The following POC1B variants were observed in gnomAD, a reference collection of about 807,000 sequenced individuals.
The protein encoded by POC1B is POC1 centriolar protein B.
Under a neutral mutation model 60.6 loss-of-function variants are expected in POC1B, and 44 were observed. The observed-to-expected ratio is 0.73, with a 90% confidence interval of 0.57 to 0.93. The LOEUF (loss-of-function observed/expected upper bound fraction) is 0.93, where lower values mean the gene tolerates loss of function less well. Ranked by LOEUF, POC1B falls within the 40% of genes least tolerant of loss-of-function variation. POC1B has a pLI of 0.00. For missense variants in POC1B, 555 were observed against 572.3 expected, an observed-to-expected ratio of 0.97 and a Z score of 0.31; for synonymous variants, 180 against 198.9, an observed-to-expected ratio of 0.90 and a Z score of 0.80.
intron 4 of POC1B, among the ~76,000 whole-genome samples, chr12:89,481,665 A>G (rs1868368391): frequency 6.6e-6 from 1 of 152,210 alleles, no homozygotes; most frequent in Admixed American, 6.5e-5. Flanking sequence ...CCCCTTGTAT[A>G]TAATACAATT....
At chr12:89,409,988 C>A in the POC1B span, among the ~76,000 whole-genome samples, 62 of 152,112 alleles carry the variant, frequency 4.1e-4, 1 homozygote, top group African/African-American at 1.5e-3. Flanking sequence ...CAAAACCTGG[C>A]AGAGACACAA....
At chr12:89,470,944 G>A (rs1248567256) in intron 6 of POC1B, among the ~76,000 whole-genome samples, 1 of 152,178 alleles carries the variant, frequency 6.6e-6, no homozygotes, top group Non-Finnish European at 1.5e-5. Context: ...CCAACAGGAG[G>A]CAGTATAACA....
chr12:89,482,441 A>T (rs569529989), intron 4 of POC1B, among the ~76,000 whole-genome samples: 1 of 152,344 alleles, frequency 6.6e-6, no homozygotes, highest in Admixed American at 6.5e-5. Context: ...AACAATTTTT[A>T]CAAATATGAT....
chr12:89,500,103 C>T (rs990350643), intron 2 of POC1B: 7 of 1,441,214 alleles, frequency 4.9e-6, no homozygotes, highest in East Asian at 4.7e-5. Context: ...ATGGCTGTGT[C>T]GGGTCTGGAT....
the POC1B span, among the ~76,000 whole-genome samples, chr12:89,404,685 T>A: frequency 6.6e-6 from 1 of 152,196 alleles, no homozygotes; most frequent in Non-Finnish European, 1.5e-5. Flanking sequence ...CTAACTTGAC[T>A]GTCAGCTCTT....
chr12:89,513,250 GAAAAAA>G (rs58165369), intron 2 of POC1B, among the ~76,000 whole-genome samples: 24 of 129,160 alleles, frequency 1.9e-4, no homozygotes, highest in Non-Finnish European at 2.7e-4. Context: ...TCAAGAATTT[GAAAAAA>G]AAAAAAAAAA....
chr12:89,420,567 T>C lies in POC1B; in HGVS notation c.*586A>G, dbSNP rs1880488100. 1 of 152,340 alleles carries C rather than the reference T, an allele frequency of 6.6e-6. No individual in the cohort carries two copies. The highest frequency in any genetic ancestry group is 2.4e-5 in the African/African-American group (1 of 41,464). The allele number at this position is 152,340 out of a possible 1,614,324, so 9.4% of individuals were successfully genotyped here. On this transcript the variant is annotated 3_prime_UTR_variant, in exon 12 of 12. Coordinates refer to ENST00000313546, the MANE Select transcript of POC1B (RefSeq NM_172240.3). ...AACCCACTGCCCTATGCTATATCTG[T>C]GCTATTGTTAATTAAAATAAGTGTA... is the stretch of plus-strand genomic sequence containing the variant.
chr12:89,501,254 G>A (rs1869551954), intron 2 of POC1B: 2 of 1,179,088 alleles, frequency 1.7e-6, no homozygotes, highest in Admixed American at 1.7e-5. Context: ...CTGGATACAA[G>A]TTATGCTTTG....
chr12:89,462,612 C>G (rs952274603), intron 9 of POC1B, among the ~76,000 whole-genome samples: 1 of 152,102 alleles, frequency 6.6e-6, no homozygotes, highest in Non-Finnish European at 1.5e-5. Flanking sequence ...AGTACAACGT[C>G]CAGCACACAG....
chr12:89,493,035 C>T (rs1869061643), intron 3 of POC1B, among the ~76,000 whole-genome samples: 1 of 152,130 alleles, frequency 6.6e-6, no homozygotes, highest in Admixed American at 6.5e-5. Flanking sequence ...GGCTCTTCTC[C>T]AAAAGAAAGC....
the POC1B span, among the ~76,000 whole-genome samples, chr12:89,412,848 T>TTCCTTCCC: frequency 6.7e-5 from 8 of 119,314 alleles, no homozygotes; most frequent in East Asian, 6.9e-4. Context: ...CCTTCCTTCC[T>TTCCTTCCC]TTCCTTCCTC....
the POC1B span, among the ~76,000 whole-genome samples, chr12:89,404,938 T>C: frequency 6.6e-6 from 1 of 152,184 alleles, no homozygotes; most frequent in African/African-American, 2.4e-5. Flanking sequence ...TTCTGACTCC[T>C]ACCTCCTCAC....
At chr12:89,413,919 T>G in the POC1B span, among the ~76,000 whole-genome samples, 2 of 152,170 alleles carry the variant, frequency 1.3e-5, no homozygotes, top group African/African-American at 4.8e-5. Context: ...TCAGATGGAG[T>G]CTTGCTTTGT....
intron 2 of POC1B, chr12:89,502,482 CA>C: frequency 4.4e-6 from 5 of 1,126,218 alleles, no homozygotes; most frequent in Non-Finnish European, 6.6e-6. Flanking sequence ...GAAAAGTTGA[CA>C]AAAAAATCTA....
At chr12:89,438,556 T>C (rs1881378107) in intron 10 of POC1B, among the ~76,000 whole-genome samples, 1 of 152,278 alleles carries the variant, frequency 6.6e-6, no homozygotes, top group South Asian at 2.1e-4. Flanking sequence ...TCTGGACTTT[T>C]GGCAATGCTG....
At chr12:89,491,624 CAAA>C (rs1277603995) in intron 4 of POC1B, among the ~76,000 whole-genome samples, 1 of 54,482 alleles carries the variant, frequency 1.8e-5, no homozygotes. Flanking sequence ...GACCGTGTCT[CAAA>C]AAAAAAAAAA....
chr12:89,477,272 A>G (rs948600222), intron 4 of POC1B, among the ~76,000 whole-genome samples: 3 of 152,226 alleles, frequency 2.0e-5, no homozygotes, highest in Non-Finnish European at 4.4e-5. Flanking sequence ...AAGAGAAACC[A>G]TCTGTTGACT....
At chr12:89,481,794 T>C (rs1868371470) in intron 4 of POC1B, among the ~76,000 whole-genome samples, 1 of 152,140 alleles carries the variant, frequency 6.6e-6, no homozygotes, top group Non-Finnish European at 1.5e-5. Flanking sequence ...AACTGAGAGA[T>C]GCTCAAGCTC....
At chr12:89,524,928 G>C in intron 2 of POC1B, 192 bp downstream of exon 2, 1 of 895,782 alleles carries the variant, frequency 1.1e-6, no homozygotes, top group Non-Finnish European at 1.6e-6. Context: ...TGGCCGGGCC[G>C]GGGGCTGGGG....
Sources: gnomAD v4.1 joint callset for allele counts (sites outside exome capture counted in the v4.1 genomes callset) on GRCh38, gnomAD v4.1.1 for gene constraint, MANE v1.5 for transcripts, NCBI Gene and HGNC (gene_info 2026-07-23, HGNC 2026-07-21) for gene names.